The following TRMT2B variants were observed in gnomAD, a reference collection of about 807,000 sequenced individuals.
The protein encoded by TRMT2B is tRNA methyltransferase 2B.
Under a neutral mutation model 39.7 loss-of-function variants are expected in TRMT2B, and 34 were observed. The ratio of observed to expected loss-of-function variants is 0.86; its 90% CI spans 0.65 to 1.14. The LOEUF (loss-of-function observed/expected upper bound fraction) is 1.14. TRMT2B is among the 50% of genes most tolerant of loss of function. The pLI is 0.00. For synonymous variants in TRMT2B, 132 were observed against 137.3 expected (o/e 0.96, Z 0.27); for missense variants, 318 against 377.2 (o/e 0.84, Z 1.30).
the TRMT2B span, among the ~76,000 whole-genome samples, chrX:101,002,301 T>G: frequency 3.6e-5 from 4 of 111,945 alleles, no homozygotes; most frequent in East Asian, 2.8e-4. Context: ...TATTGCTATC[T>G]TCAGTTATTG....
At chrX:101,027,410 T>C (rs1335922021) in intron 7 of TRMT2B, among the ~76,000 whole-genome samples, 1 of 108,803 alleles carries the variant, frequency 9.2e-6, no homozygotes, top group Non-Finnish European at 1.9e-5. Context: ...TTTTGCATTT[T>C]TTTTTTTTTT....
At chrX:101,015,200 T>C (rs1215467894) in intron 13 of TRMT2B, among the ~76,000 whole-genome samples, 1 of 111,526 alleles carries the variant, frequency 9.0e-6, no homozygotes, top group Non-Finnish European at 1.9e-5. Flanking sequence ...CTGTTAAATA[T>C]TGCAATGAGT....
chrX:100,986,104 T>TG, the TRMT2B span, among the ~76,000 whole-genome samples: 3 of 111,237 alleles, frequency 2.7e-5, no homozygotes, highest in Non-Finnish European at 3.8e-5. Context: ...CACACTGCCA[T>TG]GGGGGACAAG....
the TRMT2B span, chrX:100,985,588 G>C: frequency 9.0e-6 from 10 of 1,107,697 alleles, no homozygotes; most frequent in Non-Finnish European, 1.2e-5. Flanking sequence ...GCATGAAATC[G>C]GAACCGACTC....
chrX:101,050,202 T>C (rs767747382), intron 2 of TRMT2B, among the ~76,000 whole-genome samples: 5 of 111,899 alleles, frequency 4.5e-5, no homozygotes, highest in Non-Finnish European at 9.4e-5. Context: ...CTAGGTCTCT[T>C]CCAAATTATC....
intron 5 of TRMT2B, chrX:101,037,522 C>T (rs28378916): frequency 0.033 from 5,281 of 161,230 alleles, 311 homozygotes; most frequent in African/African-American, 0.16. Context: ...CTTCTGAGGC[C>T]ACATTAGAAA....
In TRMT2B at chrX:101,041,927, C is replaced by A. The variant is rs1331891777; in HGVS notation, c.248+115G>T. 19 of 958,657 alleles carry A rather than the reference C, an allele frequency of 2.0e-5. No homozygotes were observed. In the Admixed American group the frequency reaches 4.7e-4, roughly 24 times the overall value. 79.0% of individuals were successfully genotyped at this position (958,657 alleles called of 1,213,427 possible). A position where few individuals can be genotyped will look rare whatever the true frequency, so the allele number is the denominator to read the frequency against. On this transcript the variant is annotated intron_variant, in intron 3 of 13. Coordinates refer to ENST00000372936, the MANE Select transcript of TRMT2B (RefSeq NM_024917.6). ...CAAATTTGCCCTGGGTATCCTACCT[C>A]AGGTGGCCCCTCAAATCCTTGTAAT...
intron 7 of TRMT2B, among the ~76,000 whole-genome samples, chrX:101,034,276 G>C (rs1018292619): frequency 7.4e-5 from 8 of 108,685 alleles, no homozygotes; most frequent in African/African-American, 1.0e-4. Context: ...TGAGTAGCCA[G>C]GACTATAGGC....
In TRMT2B at chrX:101,023,510, G is replaced by T; in HGVS notation, c.716C>A (p.Thr239Lys). The T allele has an allele frequency of 8.3e-7, 1 of 1,210,512 alleles. No homozygotes were observed. Among genetic ancestry groups the T allele is most frequent in the Admixed American group, 2.2e-5 (1 of 45,989 alleles). Reference protein sequence around the residue: ...LTVRTNSQGHTMAIITFHPQK... With the variant: ...LTVRTNSQGHKMAIITFHPQK... Reference sequence around the variant, plus strand: ...GGGATGGAAAGTGATGATAGCCATTGTGTGCCCTTGGCTATTGGTGCGGAC... The same window carrying T: ...GGGATGGAAAGTGATGATAGCCATTTTGTGCCCTTGGCTATTGGTGCGGAC... Residue 239 changes from threonine (T) to lysine (K), a missense_variant, in exon 8 of 14, where the codon ACA becomes AAA. Coordinates refer to ENST00000372936, the MANE Select transcript of TRMT2B (RefSeq NM_024917.6).
chrX:101,041,045 A>C (rs1314114271), intron 4 of TRMT2B, among the ~76,000 whole-genome samples: 1 of 110,715 alleles, frequency 9.0e-6, no homozygotes, highest in Non-Finnish European at 1.9e-5. Flanking sequence ...CTCTACTAAA[A>C]ATAGAAAAAT....
At chrX:101,029,948 A>G (rs1467062175) in intron 7 of TRMT2B, among the ~76,000 whole-genome samples, 1 of 111,681 alleles carries the variant, frequency 9.0e-6, no homozygotes, top group Non-Finnish European at 1.9e-5. Flanking sequence ...GGTTTGGCTA[A>G]AAAGTCTAGA....
At chrX:101,003,781 T>C in the TRMT2B span, among the ~76,000 whole-genome samples, 1 of 112,217 alleles carries the variant, frequency 8.9e-6, no homozygotes, top group Admixed American at 9.5e-5. Context: ...GGATGCAACA[T>C]GAAGTACATA....
chrX:101,000,878 C>T, the TRMT2B span, among the ~76,000 whole-genome samples: 77 of 111,786 alleles, frequency 6.9e-4, no homozygotes, highest in Non-Finnish European at 1.0e-3. Flanking sequence ...TTGTTTTTGA[C>T]GGTCTCCAGG....
the TRMT2B span, among the ~76,000 whole-genome samples, chrX:100,974,425 T>G: frequency 9.2e-6 from 1 of 108,938 alleles, no homozygotes; most frequent in Non-Finnish European, 1.9e-5. Context: ...ATAAACAGCC[T>G]GTTTATGTAA....
chrX:101,021,399 C>T (rs182027112), intron 9 of TRMT2B, 84 bp from the exon 10 acceptor site: 39 of 842,299 alleles, frequency 4.6e-5, no homozygotes, highest in Middle Eastern at 3.2e-4. Flanking sequence ...GAGGCCGAGG[C>T]GGGCAGATCA....
chrX:101,045,050 G>T (rs1215516937), intron 2 of TRMT2B, among the ~76,000 whole-genome samples: 1 of 105,403 alleles, frequency 9.5e-6, no homozygotes. Context: ...AGGGGGGGGT[G>T]GGGTGCTCAT....
At chrX:100,983,262 C>G in the TRMT2B span, among the ~76,000 whole-genome samples, 3 of 111,193 alleles carry the variant, frequency 2.7e-5, no homozygotes, top group Non-Finnish European at 5.7e-5. Context: ...AAAAAGAAAA[C>G]TAGGAAAAAA....
chrX:101,042,749 GC>G (rs1335440350), intron 2 of TRMT2B, among the ~76,000 whole-genome samples: 4 of 111,797 alleles, frequency 3.6e-5, no homozygotes, highest in African/African-American at 1.3e-4. Flanking sequence ...AACACAGTAT[GC>G]TTGGTTCCTG....
intron 7 of TRMT2B, among the ~76,000 whole-genome samples, chrX:101,028,139 A>G (rs2087228336): frequency 1.3e-5 from 1 of 77,761 alleles, no homozygotes. Context: ...TTTTTTTGAG[A>G]CGGAGTGTCG....
Sources: gnomAD v4.1 joint callset for allele counts (sites outside exome capture counted in the v4.1 genomes callset) on GRCh38, gnomAD v4.1.1 for gene constraint, MANE v1.5 for transcripts, NCBI Gene and HGNC (gene_info 2026-07-23, HGNC 2026-07-21) for gene names.